IL11RA: variants seen among roughly 807,000 people sequenced by gnomAD.
The protein encoded by IL11RA is interleukin-11 receptor subunit alpha.
IL11RA carries 51 observed loss-of-function variants against 57.0 expected under a neutral mutation model. That is an observed-to-expected ratio of 0.89 (90% CI 0.71 to 1.13). IL11RA has a LOEUF of 1.13. IL11RA is among the 50% of genes most tolerant of loss of function. The pLI is 0.00. For missense variants in IL11RA, 498 were observed against 539.4 expected, an observed-to-expected ratio of 0.92 and a Z score of 0.76; for synonymous variants, 199 against 217.5, an observed-to-expected ratio of 0.91 and a Z score of 0.75.
Position 34,658,301 on chromosome 9 carries a change from C to G in IL11RA, c.647-219C>G, listed in dbSNP as rs936248283. Among the ~76,000 whole-genome samples the G allele has an allele frequency of 6.6e-5, 10 of 152,216 alleles. No individual in the cohort carries two copies. Among genetic ancestry groups the G allele is most frequent in the African/African-American group, 2.4e-4 (10 of 41,456 alleles). On this transcript the variant is annotated intron_variant, in intron 7 of 12. Coordinates refer to ENST00000441545, the MANE Select transcript of IL11RA (RefSeq NM_001142784.3). The surrounding 1 kb of genome is among the most constrained non-coding windows in gnomAD (Gnocchi z 4.0). ...AAGTGATCCTCCCGCCTCAGTCTTC[C>G]AGAGTGCTGAGATTACAGGCATGAG...
intron 8 of IL11RA, among the ~76,000 whole-genome samples, 154 bp from the exon 9 acceptor site, chr9:34,659,605 G>A (rs1450284481): frequency 6.6e-6 from 1 of 152,214 alleles, no homozygotes; most frequent in Non-Finnish European, 1.5e-5. Flanking sequence ...AACACTAGGT[G>A]TAGACTCAGC....
chr9:34,660,736 C>A, intron 11 of IL11RA, 118 bp from the exon 12 acceptor site: 1 of 1,168,766 alleles, frequency 8.6e-7, no homozygotes, highest in Admixed American at 1.7e-5. Context: ...ATACCTCCAT[C>A]CCCCATGCCC....
At chr9:34,659,671 C>T in intron 8 of IL11RA, 88 bp from the exon 9 acceptor site, 1 of 1,531,040 alleles carries the variant, frequency 6.5e-7, no homozygotes. Context: ...TAGGATGAGA[C>T]TGGGAGCAAG....
rs758033637 is a variant in IL11RA at position 34,657,633 on chromosome 9, C to T, written c.646+46C>T. 10 of 1,567,458 alleles carry T rather than the reference C, an allele frequency of 6.4e-6. No individual in the cohort carries two copies. The South Asian group carries it at 9.0e-5, about 14-fold the overall frequency. ...TCCCCCAGACCCCCATCACAGAGAC[C>T]CCAAATGGACTCAGATCTCTCCACT... On this transcript the variant is annotated intron_variant, in intron 7 of 12. Transcript: ENST00000441545.
In IL11RA at chr9:34,655,332, G is replaced by T; in HGVS notation, c.100+15G>T. On this transcript the variant is annotated intron_variant, in intron 2 of 12. Coordinates refer to ENST00000441545, the MANE Select transcript of IL11RA (RefSeq NM_001142784.3). ...GGGCCCCCCAGGTGAGAAGAACCCT[G>T]CTCTACAACCTCCCAACTCTGACTT... is the stretch of plus-strand genomic sequence containing the variant. 6.9e-7 allele frequency: 1 copy of T among 1,441,986 alleles called. No homozygotes were observed. Among genetic ancestry groups the T allele is most frequent in the Non-Finnish European group, 9.7e-7 (1 of 1,027,190 alleles). The allele number at this position is 1,441,986 out of a possible 1,614,324, so 89.3% of individuals were successfully genotyped here. A position where few individuals can be genotyped will look rare whatever the true frequency, so the allele number is the denominator to read the frequency against.
rs765052636 is a variant in IL11RA, at chr9:34,659,834, CGG to C, written c.888_889del (p.Asp297LeufsTer61). 2.5e-6 allele frequency: 4 copies of C among 1,614,132 alleles called. No homozygotes were observed. The African/African-American group carries it at 5.3e-5, about 22-fold the overall frequency. On this transcript the variant is annotated frameshift_variant, in exon 9 of 13. Coordinates refer to ENST00000441545, the MANE Select transcript of IL11RA (RefSeq NM_001142784.3). LOFTEE classifies it high-confidence loss of function. ...GCCCCATGCTGTACGAGTCAGTGCC[CGG>C]GACTTTCTAGATGCTGGCACCTGGA... Reference protein sequence around the residue: ...GLPHAVRVSARDFLDAGTWST... With the variant: ...GLPHAVRVSAXDFLDAGTWST...
rs1821269043 is a variant in IL11RA at position 34,652,233 on chromosome 9, G to GGTGAGGCCTGGTGTA, written c.-1+2_-1+16dup. On this transcript the variant is annotated splice_region_variant and 5_prime_UTR_variant. Coordinates refer to ENST00000441545, the MANE Select transcript of IL11RA (RefSeq NM_001142784.3). ...GGCGCTGGCGGCAGCGGCCGCGGAA[G>GGTGAGGCCTGGTGTA]GTGAGGCCTGGTGTAGACGCCAAAG... The GGTGAGGCCTGGTGTA allele has an allele frequency of 6.5e-6, 1 of 153,384 alleles. No individual in the cohort carries two copies. The highest frequency in any genetic ancestry group is 2.4e-5 in the African/African-American group (1 of 41,452). 9.5% of individuals were successfully genotyped at this position (153,384 alleles called of 1,614,324 possible). A position where few individuals can be genotyped will look rare whatever the true frequency, so the allele number is the denominator to read the frequency against.
chr9:34,660,451 G>A, intron 10 of IL11RA, 53 bp from the exon 11 acceptor site: 2 of 1,613,958 alleles, frequency 1.2e-6, no homozygotes, highest in Non-Finnish European at 1.7e-6. Context: ...GAGAAAAGGG[G>A]ACACCGAGCT....
chr9:34,660,732 C>G, intron 11 of IL11RA, 122 bp from the exon 12 acceptor site: 1 of 1,165,380 alleles, frequency 8.6e-7, no homozygotes, highest in Non-Finnish European at 1.3e-6. Flanking sequence ...CCCCATACCT[C>G]CATCCCCCAT....
At chr9:34,660,637 TCA>T (rs1372189657) in intron 11 of IL11RA, 37 bp downstream of exon 11, 31 of 1,522,672 alleles carry the variant, frequency 2.0e-5, no homozygotes, top group Non-Finnish European at 2.8e-5. Context: ...CCTCTGATCC[TCA>T]CACATGCTCT....
rs147692403 is a variant in IL11RA at position 34,657,117 on chromosome 9, C to T, written c.414C>T (p.Ser138=). 21 of 1,614,146 alleles carry T rather than the reference C, an allele frequency of 1.3e-5. No homozygotes were observed. Among genetic ancestry groups the T allele is most frequent in the African/African-American group, 9.3e-5 (7 of 75,044 alleles). Residue 138 remains serine (S), a synonymous_variant, in exon 5 of 13, where the codon AGC becomes AGT. Coordinates refer to ENST00000441545, the MANE Select transcript of IL11RA (RefSeq NM_001142784.3). ...FSCTWSPSQI[S]GLPTRYLTSY... is the part of the protein sequence containing the mutation. ...GCACTTGGAGTCCCAGCCAGATCAGCGGTTTACCCACCCGCTACCTCACCT... is the reference window on the plus strand; with the variant it reads ...GCACTTGGAGTCCCAGCCAGATCAGTGGTTTACCCACCCGCTACCTCACCT...
At chr9:34,659,927 C>T (rs755056900) in intron 9 of IL11RA, 27 bp downstream of exon 9, 1 of 1,612,086 alleles carries the variant, frequency 6.2e-7, no homozygotes, top group Non-Finnish European at 8.5e-7. Flanking sequence ...AAGAAAAGGG[C>T]AGAGGCCCCA....
Position 34,653,089 on chromosome 9 carries a change from G to T in IL11RA, c.-1+856G>T, listed in dbSNP as rs1052908928. ...CTGATCTTGATCTCTGGCTAGTTGGGGGCCTGTAACAGTGATGAGATGCGG... is the reference window on the plus strand; with the variant it reads ...CTGATCTTGATCTCTGGCTAGTTGGTGGCCTGTAACAGTGATGAGATGCGG... On this transcript the variant is annotated intron_variant, in intron 1 of 12. Transcript: ENST00000441545. This position sits in a 1 kb window ranked among gnomAD's most constrained non-coding sequence, Gnocchi z 4.5. Among the ~76,000 whole-genome samples, 2 of 152,104 alleles carry T rather than the reference G, an allele frequency of 1.3e-5. No individual in the cohort carries two copies. Among genetic ancestry groups the T allele is most frequent in the African/African-American group, 4.8e-5 (2 of 41,416 alleles).
Position 34,657,330 on chromosome 9 carries a change from C to T in IL11RA, c.474C>T (p.Ser158=). 6.2e-7 allele frequency: 1 copy of T among 1,614,140 alleles called. No individual in the cohort carries two copies. The highest frequency in any genetic ancestry group is 1.3e-5 in the African/African-American group (1 of 75,036). The part of the protein sequence containing the change: ...YRKKTVLGAD[S]QRRSPSTGPW... ...AGAAGACAGTCCTAGGAGCTGATAG[C>T]CAGAGGTAGGACGTGAGGGAGCATG... The change falls in exon 6 of 13, where the codon AGC becomes AGT. Residue 158 remains serine (S), a synonymous_variant. Transcript: ENST00000441545.
In IL11RA at chr9:34,660,551, A is replaced by G; in HGVS notation, c.1120A>G (p.Ile374Val). ...EQVAVLASLG[I>V]LSFLGLVAGA... ...GGTAGCTGTGCTGGCGTCTTTGGGAATCCTTTCTTTCCTGGGACTGGTGGC... is the reference window on the plus strand; with the variant it reads ...GGTAGCTGTGCTGGCGTCTTTGGGAGTCCTTTCTTTCCTGGGACTGGTGGC... The change falls in exon 11 of 13, where the codon ATC (isoleucine) becomes GTC (valine). Residue 374 changes from isoleucine to valine, a missense_variant. Ile to Val is a conservative substitution (Grantham distance 29). Coordinates refer to ENST00000441545, the MANE Select transcript of IL11RA (RefSeq NM_001142784.3). The G allele has an allele frequency of 6.2e-7, 1 of 1,614,102 alleles. No individual in the cohort carries two copies. The highest frequency in any genetic ancestry group is 8.5e-7 in the Non-Finnish European group (1 of 1,180,002).
intron 3 of IL11RA, 92 bp downstream of exon 3, chr9:34,655,757 C>T: frequency 9.5e-7 from 1 of 1,057,886 alleles, no homozygotes; most frequent in South Asian, 1.3e-5. Flanking sequence ...TCCTTGCCCG[C>T]TCTGTCCGTA....
rs1389921535 is a variant in IL11RA at position 34,658,879 on chromosome 9, T to C, written c.810+196T>C. On this transcript the variant is annotated intron_variant, in intron 8 of 12. Transcript: ENST00000441545. This position sits in a 1 kb window ranked among gnomAD's most constrained non-coding sequence, Gnocchi z 4.0. ...AATGTCTGTCCTGTGGGGCTATAACTATGAGGTAAAGCACATCTGTGGGAA... is the reference window on the plus strand; with the variant it reads ...AATGTCTGTCCTGTGGGGCTATAACCATGAGGTAAAGCACATCTGTGGGAA... Among the ~76,000 whole-genome samples, 1 of 152,132 alleles carries C rather than the reference T, an allele frequency of 6.6e-6. No individual in the cohort carries two copies. The highest frequency in any genetic ancestry group is 2.4e-5 in the African/African-American group (1 of 41,424).
chr9:34,659,682 G>A lies in IL11RA; in HGVS notation c.811-77G>A. The A allele has an allele frequency of 3.2e-6, 5 of 1,565,078 alleles. No individual in the cohort carries two copies. The South Asian group carries it at 4.4e-5, about 14-fold the overall frequency. On this transcript the variant is annotated intron_variant, in intron 8 of 12. Coordinates refer to ENST00000441545, the MANE Select transcript of IL11RA (RefSeq NM_001142784.3). ...GCTTTAGGATGAGACTGGGAGCAAG[G>A]GGTGCTCTTTGTAGATGGTGGCTGG...
rs191849993 is a variant in IL11RA, at chr9:34,653,212, G to A, written c.-1+979G>A. On this transcript the variant is annotated intron_variant, in intron 1 of 12. Coordinates refer to ENST00000441545, the MANE Select transcript of IL11RA (RefSeq NM_001142784.3). The surrounding 1 kb of genome is among the most constrained non-coding windows in gnomAD (Gnocchi z 4.5). Reference sequence around the variant, plus strand: ...GTGAGCCCTGGTAGGGGCTGTGTGCGTGTGTGACTGCGTGAGTGTATGAAT... The same window carrying A: ...GTGAGCCCTGGTAGGGGCTGTGTGCATGTGTGACTGCGTGAGTGTATGAAT... Among the ~76,000 whole-genome samples, 67 of 152,308 alleles carry A rather than the reference G, an allele frequency of 4.4e-4. No individual in the cohort carries two copies. The highest frequency in any genetic ancestry group is 7.8e-4 in the Admixed American group (12 of 15,300).
Sources: allele counts gnomAD v4.1 joint callset (sites outside exome capture counted in the v4.1 genomes callset), GRCh38; gene constraint gnomAD v4.1.1; non-coding constraint Gnocchi (gnomAD v3.1); transcripts MANE v1.5; gene names NCBI Gene and HGNC (gene_info 2026-07-23, HGNC 2026-07-21).